Variants in NR3C2 observed in about 807,000 individuals in gnomAD.
NR3C2 encodes the protein mineralocorticoid receptor.
NR3C2 carries 15 observed loss-of-function variants against 86.4 expected under a neutral mutation model. The ratio of observed to expected loss-of-function variants is 0.17; its 90% CI spans 0.12 to 0.27. NR3C2 has a LOEUF of 0.27. NR3C2 is among the 10% of genes least tolerant of loss of function. The pLI, the probability that NR3C2 is intolerant of heterozygous loss-of-function variation, is 1.00. For synonymous variants in NR3C2, 458 were observed against 450.5 expected (o/e 1.02, Z -0.21); for missense variants, 960 against 1,195.6 (o/e 0.80, Z 2.91).
intron 2 of NR3C2, among the ~76,000 whole-genome samples, chr4:148,287,180 C>T (rs1741568060): frequency 6.6e-6 from 1 of 152,098 alleles, no homozygotes; most frequent in Admixed American, 6.6e-5. Context: ...CTATTTTTTT[C>T]TCTAATGTTT....
chr4:148,435,368 T>A lies in NR3C2; in HGVS notation c.1493A>T (p.Asp498Val). ...GGCCTCTGGGTAATAGCTCCCATCA[T>A]CTGGTTCTTGTTTAATACCCACTGG... ...GFPVGIKQEP[D>V]DGSYYPEASI... The change falls in exon 2 of 9, where the codon GAT becomes GTT. Residue 498 changes from aspartate to valine, a missense_variant. Transcript: ENST00000358102. 1.2e-6 allele frequency: 2 copies of A among 1,614,180 alleles called. No homozygotes were observed. Among genetic ancestry groups the A allele is most frequent in the Non-Finnish European group, 1.7e-6 (2 of 1,180,034 alleles).
chr4:148,283,458 C>G (rs1227967786), intron 2 of NR3C2, among the ~76,000 whole-genome samples: 1 of 152,138 alleles, frequency 6.6e-6, no homozygotes, highest in Non-Finnish European at 1.5e-5. Context: ...AATGGTGACC[C>G]CAATAACTCT....
chr4:148,194,332 A>T (rs1736343397), intron 4 of NR3C2, among the ~76,000 whole-genome samples: 1 of 152,096 alleles, frequency 6.6e-6, no homozygotes, highest in South Asian at 2.1e-4. Flanking sequence ...TTTTTCATAT[A>T]TATCTTTCTT....
chr4:148,248,541 G>A (rs1396680719), intron 3 of NR3C2, among the ~76,000 whole-genome samples: 2 of 151,052 alleles, frequency 1.3e-5, no homozygotes, highest in Non-Finnish European at 1.5e-5. Context: ...TGCAGAAAGA[G>A]CGTGAAAACT....
intron 2 of NR3C2, among the ~76,000 whole-genome samples, chr4:148,372,513 A>C (rs1039397115): frequency 2.0e-5 from 3 of 152,176 alleles, no homozygotes; most frequent in East Asian, 1.9e-4. Flanking sequence ...TAAAAAAAAA[A>C]CCCACTCAAA....
chr4:148,426,674 T>C (rs1749547187), intron 2 of NR3C2, among the ~76,000 whole-genome samples: 1 of 152,234 alleles, frequency 6.6e-6, no homozygotes, highest in African/African-American at 2.4e-5. Context: ...CCTAACAAAA[T>C]GCACTTTAAA....
intron 2 of NR3C2, among the ~76,000 whole-genome samples, chr4:148,262,874 A>T (rs970678341): frequency 6.6e-6 from 1 of 152,120 alleles, no homozygotes; most frequent in Non-Finnish European, 1.5e-5. Flanking sequence ...TGAATCTGTT[A>T]AATTTTATTC....
At chr4:148,352,428 C>CTATG (rs1425735764) in intron 2 of NR3C2, among the ~76,000 whole-genome samples, 1 of 142,756 alleles carries the variant, frequency 7.0e-6, no homozygotes, top group Non-Finnish European at 1.5e-5. Flanking sequence ...ATCTATCTAT[C>CTATG]TCCTTGTTCA....
At chr4:148,293,588 A>G (rs1035201147) in intron 2 of NR3C2, among the ~76,000 whole-genome samples, 1 of 152,190 alleles carries the variant, frequency 6.6e-6, no homozygotes, top group Non-Finnish European at 1.5e-5. Flanking sequence ...TTATTTTCTT[A>G]CAATCACAAC....
At chr4:148,129,846 G>T (rs1351522041) in intron 6 of NR3C2, among the ~76,000 whole-genome samples, 1 of 152,032 alleles carries the variant, frequency 6.6e-6, no homozygotes, top group African/African-American at 2.4e-5. Context: ...TCTGCCCCCC[G>T]CTTCGCCTCC....
At chr4:148,156,529 A>T (rs1393676686) in intron 4 of NR3C2, among the ~76,000 whole-genome samples, 1 of 152,246 alleles carries the variant, frequency 6.6e-6, no homozygotes, top group Non-Finnish European at 1.5e-5. Context: ...GAAGACATTT[A>T]TGCAGCCAAA....
At chr4:148,318,060 A>G (rs1286491069) in intron 2 of NR3C2, among the ~76,000 whole-genome samples, 2 of 132,030 alleles carry the variant, frequency 1.5e-5, no homozygotes, top group Non-Finnish European at 3.1e-5. Flanking sequence ...AGAGTGTGAT[A>G]TTCCCCTTCC....
rs535678895 is a variant in NR3C2 at position 148,420,686 on chromosome 4, T to C, written c.1757+14418A>G. Among the ~76,000 whole-genome samples, 14 of 152,272 alleles carry C rather than the reference T, an allele frequency of 9.2e-5. No individual in the cohort carries two copies. In the East Asian group the frequency reaches 2.5e-3, roughly 27 times the overall value. On this transcript the variant is annotated intron_variant, in intron 2 of 8. Coordinates refer to ENST00000358102, the MANE Select transcript of NR3C2 (RefSeq NM_000901.5). ...TCATGTCAAACTGTAATCCCCAATG[T>C]TGGAGATGGGAGCCTGGTGGGAGGG...
chr4:148,266,713 G>A (rs1740413196), intron 2 of NR3C2, among the ~76,000 whole-genome samples: 1 of 152,192 alleles, frequency 6.6e-6, no homozygotes, highest in Non-Finnish European at 1.5e-5. Context: ...ATCTTACTGT[G>A]ACTGTTGGGT....
chr4:148,090,834 C>T (rs1731026995), intron 8 of NR3C2, among the ~76,000 whole-genome samples: 1 of 152,240 alleles, frequency 6.6e-6, no homozygotes, highest in African/African-American at 2.4e-5. Flanking sequence ...AGCTCATCCC[C>T]AGTCATGAGG....
chr4:148,191,721 T>G (rs1481414495), intron 4 of NR3C2, among the ~76,000 whole-genome samples: 1 of 152,252 alleles, frequency 6.6e-6, no homozygotes, highest in Non-Finnish European at 1.5e-5. Context: ...TGGGTTAATT[T>G]AAAGACCATG....
At chr4:148,199,648 G>A (rs1387294608) in intron 3 of NR3C2, among the ~76,000 whole-genome samples, 1 of 152,102 alleles carries the variant, frequency 6.6e-6, no homozygotes, top group African/African-American at 2.4e-5. Context: ...GGCAGGTTGA[G>A]GAGCAAGGCC....
At chr4:148,361,672 A>G (rs1347419409) in intron 2 of NR3C2, among the ~76,000 whole-genome samples, 1 of 152,120 alleles carries the variant, frequency 6.6e-6, no homozygotes, top group Non-Finnish European at 1.5e-5. Flanking sequence ...ATACCACCTG[A>G]TCCGGGACTA....
chr4:148,383,908 A>G (rs1747127712), intron 2 of NR3C2, among the ~76,000 whole-genome samples: 1 of 149,654 alleles, frequency 6.7e-6, no homozygotes, highest in Admixed American at 6.7e-5. Flanking sequence ...AGATGGTGCC[A>G]CTGCACTCCA....
Sources: gnomAD v4.1 joint callset for allele counts (sites outside exome capture counted in the v4.1 genomes callset) on GRCh38, gnomAD v4.1.1 for gene constraint, MANE v1.5 for transcripts, NCBI Gene and HGNC (gene_info 2026-07-23, HGNC 2026-07-21) for gene names.